The following STK32B variants were observed in gnomAD, a reference collection of about 807,000 sequenced individuals.
The protein encoded by STK32B is serine/threonine-protein kinase 32B.
Under a neutral mutation model 52.6 loss-of-function variants are expected in STK32B, and 43 were observed. That is an observed-to-expected ratio of 0.82 (90% CI 0.64 to 1.05). The LOEUF (loss-of-function observed/expected upper bound fraction) is 1.05, where lower values mean the gene tolerates loss of function less well. Ranked by LOEUF, STK32B falls within the 50% of genes least tolerant of loss-of-function variation. The probability of loss-of-function intolerance (pLI) is 0.00; values close to 1 mark genes in which losing one functional copy is unlikely to be tolerated. For missense variants in STK32B, 621 were observed against 534.6 expected (o/e 1.16, Z -1.59); for synonymous variants, 238 against 204.3 (o/e 1.17, Z -1.41).
chr4:5,212,998 G>C (rs1722994722), intron 3 of STK32B, among the ~76,000 whole-genome samples: 1 of 152,126 alleles, frequency 6.6e-6, no homozygotes, highest in African/African-American at 2.4e-5. Flanking sequence ...CTAAAACTCA[G>C]ATAAAACCTG....
chr4:5,022,724 C>T, the STK32B span, among the ~76,000 whole-genome samples: 1 of 152,172 alleles, frequency 6.6e-6, no homozygotes, highest in South Asian at 2.1e-4. Flanking sequence ...TCGGCCATTG[C>T]CTTTGGATGG....
intron 3 of STK32B, among the ~76,000 whole-genome samples, chr4:5,313,735 C>G (rs1002341241): frequency 2.0e-5 from 3 of 152,122 alleles, no homozygotes; most frequent in African/African-American, 7.2e-5. Context: ...AGAACTGTGA[C>G]AGCACCATTA....
intron 1 of STK32B, among the ~76,000 whole-genome samples, chr4:5,122,754 T>C (rs954158604): frequency 1.3e-5 from 2 of 152,208 alleles, no homozygotes; most frequent in Non-Finnish European, 2.9e-5. Context: ...CTGGCTCTCA[T>C]TGAGGTTGCT....
intron 1 of STK32B, among the ~76,000 whole-genome samples, chr4:5,132,980 G>A (rs983575079): frequency 6.6e-6 from 1 of 151,872 alleles, no homozygotes; most frequent in Non-Finnish European, 1.5e-5. Context: ...TGTATTTTTA[G>A]GAGAGATGGG....
chr4:5,029,482 CAGAAGT>C, the STK32B span, among the ~76,000 whole-genome samples: 1 of 152,110 alleles, frequency 6.6e-6, no homozygotes, highest in Non-Finnish European at 1.5e-5. Flanking sequence ...TGGTGGCCCT[CAGAAGT>C]AGACAGTGGC....
intron 1 of STK32B, among the ~76,000 whole-genome samples, chr4:5,106,293 T>C (rs1257653380): frequency 6.6e-6 from 1 of 152,092 alleles, no homozygotes. Context: ...AGAGTGAGAC[T>C]CCATCTCAAA....
intron 2 of STK32B, among the ~76,000 whole-genome samples, chr4:5,142,687 C>T (rs1047683355): frequency 1.3e-5 from 2 of 152,118 alleles, no homozygotes; most frequent in African/African-American, 4.8e-5. Flanking sequence ...TTTTAAAAAT[C>T]AGACATAAAA....
At chr4:5,438,551 G>A (rs1029458983) in intron 6 of STK32B, among the ~76,000 whole-genome samples, 1 of 152,200 alleles carries the variant, frequency 6.6e-6, no homozygotes, top group African/African-American at 2.4e-5. Flanking sequence ...ACGATGGGGA[G>A]GCCAAGCATG....
At position 5,460,022 on chromosome 4, in the gene STK32B, C is replaced by T; in HGVS notation, c.784-81C>T. 6.2e-7 allele frequency: 1 copy of T among 1,603,886 alleles called. No individual in the cohort carries two copies. Among genetic ancestry groups the T allele is most frequent in the Non-Finnish European group, 8.5e-7 (1 of 1,172,486 alleles). The stretch of plus-strand genomic sequence containing the variant: ...TGAAGAGCAGAGGCACATTAATTGC[C>T]CTGAGACCCCCTCCTTCAGAGTCCC... On this transcript the variant is annotated intron_variant, in intron 8 of 11. Transcript: ENST00000282908. The surrounding 1 kb of genome is among the most constrained non-coding windows in gnomAD (Gnocchi z 4.8).
intron 3 of STK32B, among the ~76,000 whole-genome samples, chr4:5,247,170 G>T (rs1725516688): frequency 6.6e-6 from 1 of 152,258 alleles, no homozygotes; most frequent in Admixed American, 6.5e-5. Flanking sequence ...TGCCCCCAGA[G>T]GTGGAGCCTA....
At chr4:5,215,657 G>A (rs186974842) in intron 3 of STK32B, among the ~76,000 whole-genome samples, 2 of 152,222 alleles carry the variant, frequency 1.3e-5, no homozygotes, top group East Asian at 3.9e-4. Flanking sequence ...GAGTGTTAAT[G>A]ATTTTTGTCA....
intron 3 of STK32B, among the ~76,000 whole-genome samples, chr4:5,275,812 G>C (rs1727777984): frequency 6.6e-6 from 1 of 152,066 alleles, no homozygotes; most frequent in South Asian, 2.1e-4. Context: ...GAGGTCACTG[G>C]TGGGGTGAGG....
intron 3 of STK32B, among the ~76,000 whole-genome samples, chr4:5,316,284 T>C (rs1184035931): frequency 1.7e-5 from 1 of 60,350 alleles, no homozygotes; most frequent in Admixed American, 2.9e-4. Flanking sequence ...TAATATATTA[T>C]ATACAATATT....
chr4:5,121,068 C>G (rs1339247547), intron 1 of STK32B, among the ~76,000 whole-genome samples: 1 of 152,096 alleles, frequency 6.6e-6, no homozygotes, highest in Admixed American at 6.5e-5. Context: ...TACCCAATAT[C>G]TAGTCTTTTA....
intron 1 of STK32B, among the ~76,000 whole-genome samples, chr4:5,134,226 A>G (rs957922261): frequency 1.3e-5 from 2 of 152,234 alleles, no homozygotes; most frequent in Non-Finnish European, 2.9e-5. Flanking sequence ...CGTGTTCCCC[A>G]AAGTTTATGT....
intron 11 of STK32B, among the ~76,000 whole-genome samples, chr4:5,472,248 G>A (rs533502564): frequency 6.6e-6 from 1 of 152,352 alleles, no homozygotes; most frequent in East Asian, 1.9e-4. Context: ...CAGCGGGGAG[G>A]ATTACCAAAC....
intron 6 of STK32B, among the ~76,000 whole-genome samples, chr4:5,441,503 T>G (rs573435491): frequency 6.6e-6 from 1 of 151,322 alleles, no homozygotes; most frequent in South Asian, 2.1e-4. Context: ...TTTTTTTCTT[T>G]ATTAGTCTTG....
At chr4:5,425,894 A>G (rs769658061) in intron 6 of STK32B, among the ~76,000 whole-genome samples, 1 of 152,200 alleles carries the variant, frequency 6.6e-6, no homozygotes, top group Admixed American at 6.5e-5. Flanking sequence ...AGCCTTTTGA[A>G]TGTGGCTTTT....
intron 3 of STK32B, among the ~76,000 whole-genome samples, chr4:5,263,288 C>G (rs4393948): frequency 0.092 from 13,989 of 152,042 alleles, 939 homozygotes; most frequent in African/African-American, 0.19. Context: ...ATGTAGCATC[C>G]GGGTGTGTCT....
Sources: allele counts gnomAD v4.1 joint callset (sites outside exome capture counted in the v4.1 genomes callset), GRCh38; gene constraint gnomAD v4.1.1; non-coding constraint Gnocchi (gnomAD v3.1); transcripts MANE v1.5; gene names NCBI Gene and HGNC (gene_info 2026-07-23, HGNC 2026-07-21).